FGGY: variants seen among roughly 807,000 people sequenced by gnomAD.
FGGY encodes the protein FGGY carbohydrate kinase domain-containing protein.
FGGY carries 72 observed loss-of-function variants against 71.3 expected under a neutral mutation model. That is an observed-to-expected ratio of 1.01 (90% CI 0.84 to 1.23). The LOEUF is 1.23. Among genes scored for constraint, FGGY ranks in the 50% most tolerant of loss-of-function variants. The probability of loss-of-function intolerance (pLI) is 0.00; values close to 1 mark genes in which losing one functional copy is unlikely to be tolerated. For missense variants in FGGY, 668 were observed against 682.3 expected, an observed-to-expected ratio of 0.98 and a Z score of 0.23; for synonymous variants, 251 against 250.3, an observed-to-expected ratio of 1.00 and a Z score of -0.02.
At chr1:59,605,218 AC>A (rs2096612702) in intron 8 of FGGY, among the ~76,000 whole-genome samples, 1 of 151,960 alleles carries the variant, frequency 6.6e-6, no homozygotes, top group Non-Finnish European at 1.5e-5. Context: ...TCCCTCATTT[AC>A]TTCTCACAGT....
At chr1:59,581,176 TATGACAAA>T (rs1237678667) in intron 8 of FGGY, among the ~76,000 whole-genome samples, 1 of 150,088 alleles carries the variant, frequency 6.7e-6, no homozygotes, top group Non-Finnish European at 1.5e-5. Flanking sequence ...AGTAATATTT[TATGACAAA>T]ACTTGGAAAA....
chr1:59,569,331 A>G (rs2095938810), intron 8 of FGGY, among the ~76,000 whole-genome samples: 1 of 152,238 alleles, frequency 6.6e-6, no homozygotes, highest in African/African-American at 2.4e-5. Context: ...ATTAAGCATC[A>G]TTAGAGGACA....
At chr1:59,369,269 A>G (rs1458439125) in intron 4 of FGGY, among the ~76,000 whole-genome samples, 1 of 152,198 alleles carries the variant, frequency 6.6e-6, no homozygotes, top group Non-Finnish European at 1.5e-5. Flanking sequence ...TATCCTGCAC[A>G]TGGCTCGGAG....
chr1:59,756,163 C>A (rs1308225731), intron 14 of FGGY: 1 of 152,146 alleles, frequency 6.6e-6, no homozygotes, highest in African/African-American at 2.4e-5. Context: ...CTCCAGACAG[C>A]CCTTTTAGTC....
At chr1:59,312,793 A>G (rs1299380173) in intron 1 of FGGY, among the ~76,000 whole-genome samples, 1 of 152,188 alleles carries the variant, frequency 6.6e-6, no homozygotes, top group African/African-American at 2.4e-5. Flanking sequence ...GTTTTTGGCC[A>G]CCATTCAAGA....
intron 11 of FGGY, 32 bp from the exon 12 acceptor site, chr1:59,660,187 A>G: frequency 1.3e-6 from 2 of 1,597,070 alleles, no homozygotes; most frequent in South Asian, 1.1e-5. Flanking sequence ...TCTTTTGACC[A>G]TCTTCTTCTT....
intron 2 of FGGY, 34 bp downstream of exon 2, chr1:59,321,784 T>C (rs1269402519): frequency 2.1e-5 from 33 of 1,580,932 alleles, no homozygotes; most frequent in Non-Finnish European, 2.8e-5. Flanking sequence ...TCCTTGTTCA[T>C]ATTCCTACCT....
chr1:59,526,750 G>C (rs1290646629), intron 7 of FGGY, among the ~76,000 whole-genome samples: 1 of 152,210 alleles, frequency 6.6e-6, no homozygotes. Context: ...ATGTGCGAGA[G>C]GGGCAGCGAG....
chr1:59,522,885 T>C (rs1451218756), intron 7 of FGGY, among the ~76,000 whole-genome samples: 1 of 152,172 alleles, frequency 6.6e-6, no homozygotes, highest in Non-Finnish European at 1.5e-5. Flanking sequence ...ACCTAGTAAA[T>C]GGAGCAAGGT....
chr1:59,459,414 T>A (rs2091986845), intron 6 of FGGY, among the ~76,000 whole-genome samples: 1 of 152,326 alleles, frequency 6.6e-6, no homozygotes, highest in South Asian at 2.1e-4. Context: ...GGAAAAATAG[T>A]TTTGTGCATC....
rs1235778794 is a variant in FGGY at position 59,718,288 on chromosome 1, ACCT to A, written c.1513-39636_1513-39634del. On this transcript the variant is annotated intron_variant, in intron 14 of 15. Transcript: ENST00000303721. ...GTGTGAAAGCATTTTACAACCATAAACCTCCTCCTGTTTATTAACACATTATTA... is the reference window on the plus strand; with the variant it reads ...GTGTGAAAGCATTTTACAACCATAAACCTCCTGTTTATTAACACATTATTA... Among the ~76,000 whole-genome samples the A allele has an allele frequency of 6.6e-5, 10 of 152,222 alleles. No individual in the cohort carries two copies. The East Asian group carries it at 9.6e-4, about 15-fold the overall frequency.
chr1:59,692,020 G>A (rs991884216), intron 14 of FGGY, among the ~76,000 whole-genome samples: 1 of 152,054 alleles, frequency 6.6e-6, no homozygotes, highest in Non-Finnish European at 1.5e-5. Flanking sequence ...TACCCCCAAG[G>A]TACAACGATA....
intron 9 of FGGY, among the ~76,000 whole-genome samples, chr1:59,623,153 A>G (rs2096826174): frequency 6.6e-6 from 1 of 152,050 alleles, no homozygotes. Context: ...CCCATTGCCA[A>G]CCTGTGATCT....
At chr1:59,373,874 C>A (rs1472548653) in intron 4 of FGGY, among the ~76,000 whole-genome samples, 1 of 152,178 alleles carries the variant, frequency 6.6e-6, no homozygotes, top group Admixed American at 6.5e-5. Context: ...AAACTGGATC[C>A]CTTCCTTACA....
chr1:59,749,096 A>T (rs1187242008), intron 14 of FGGY, among the ~76,000 whole-genome samples: 1 of 152,200 alleles, frequency 6.6e-6, no homozygotes, highest in Admixed American at 6.5e-5. Context: ...AGAGGATGGC[A>T]TGCCTGGAGG....
intron 14 of FGGY, among the ~76,000 whole-genome samples, chr1:59,754,329 A>C (rs761948824): frequency 7.2e-5 from 11 of 151,988 alleles, no homozygotes; most frequent in Middle Eastern, 3.2e-3. Flanking sequence ...ACACCTGTCT[A>C]TTCTCATAGA....
chr1:59,552,982 A>C (rs1386689421), intron 7 of FGGY, among the ~76,000 whole-genome samples: 2 of 152,344 alleles, frequency 1.3e-5, no homozygotes, highest in East Asian at 3.9e-4. Flanking sequence ...AGGGAAGTCC[A>C]TTGCATGAGA....
At chr1:59,752,304 T>C (rs1246556231) in intron 14 of FGGY, among the ~76,000 whole-genome samples, 1 of 152,240 alleles carries the variant, frequency 6.6e-6, no homozygotes, top group Non-Finnish European at 1.5e-5. Context: ...GCTAGGACTG[T>C]GCTAGACATT....
chr1:59,541,475 G>T (rs895073975), intron 7 of FGGY, among the ~76,000 whole-genome samples: 3 of 152,122 alleles, frequency 2.0e-5, no homozygotes, highest in East Asian at 3.9e-4. Context: ...GCTCCATCTT[G>T]TCTGGCCTAG....
Sources: allele counts gnomAD v4.1 joint callset (sites outside exome capture counted in the v4.1 genomes callset), GRCh38; gene constraint gnomAD v4.1.1; transcripts MANE v1.5; gene names NCBI Gene and HGNC (gene_info 2026-07-23, HGNC 2026-07-21).